The following EXTL3 variants were observed in gnomAD, a reference collection of about 807,000 sequenced individuals.
EXTL3 encodes exostosin-like 3.
In EXTL3, 27 loss-of-function variants were observed where a neutral mutation model predicts 69.3. The observed-to-expected ratio is 0.39, with a 90% CI of 0.29 to 0.54. The LOEUF (loss-of-function observed/expected upper bound fraction) is 0.54, where lower values mean the gene tolerates loss of function less well. Ranked by LOEUF, EXTL3 falls within the 20% of genes least tolerant of loss-of-function variation. EXTL3 has a pLI of 0.69. For synonymous variants in EXTL3, 511 were observed against 499.4 expected, an observed-to-expected ratio of 1.02 and a Z score of -0.31; for missense variants, 1,003 against 1,231.8, an observed-to-expected ratio of 0.81 and a Z score of 2.78.
chr8:28,713,442 T>A lies in EXTL3; in HGVS notation c.-569-15T>A, dbSNP rs1280944363. The A allele has an allele frequency of 7.4e-6, 5 of 672,248 alleles. No homozygotes were observed. Among genetic ancestry groups the A allele is most frequent in the Non-Finnish European group, 1.3e-5 (5 of 376,918 alleles). The allele number at this position is 672,248 out of a possible 1,614,324, so 41.6% of individuals were successfully genotyped here. ...ACTGTTCTATTTTTGTTTTTTGTTT[T>A]TTTTTTTAAATCAGGAGAGCAAGCC... is the stretch of plus-strand genomic sequence containing the variant. On this transcript the variant is annotated splice_polypyrimidine_tract_variant and intron_variant, in intron 1 of 6. Transcript: ENST00000220562.
At chr8:28,693,505 A>G (rs897962201) in intron 1 of EXTL3, among the ~76,000 whole-genome samples, 1 of 143,534 alleles carries the variant, frequency 7.0e-6, no homozygotes, top group African/African-American at 2.5e-5. Flanking sequence ...TTGAATGTTT[A>G]TTTTTTTTTT....
intron 1 of EXTL3, among the ~76,000 whole-genome samples, chr8:28,634,447 G>A (rs1461380541): frequency 6.6e-6 from 1 of 151,986 alleles, no homozygotes; most frequent in Admixed American, 6.6e-5. Context: ...TATCCTCTGC[G>A]GGTCCCTCCG....
intron 3 of EXTL3, 45 bp from the exon 4 acceptor site, chr8:28,731,178 C>T (rs776470977): frequency 6.9e-5 from 111 of 1,613,664 alleles, no homozygotes; most frequent in Admixed American, 3.0e-4. Context: ...TTTGGCCTTT[C>T]ATAACACAGC....
At chr8:28,654,276 G>C (rs1731499339) in intron 1 of EXTL3, among the ~76,000 whole-genome samples, 1 of 152,178 alleles carries the variant, frequency 6.6e-6, no homozygotes, top group Non-Finnish European at 1.5e-5. Flanking sequence ...TAAACAAGGT[G>C]AAAAAGAAAC....
intron 1 of EXTL3, among the ~76,000 whole-genome samples, chr8:28,694,182 G>T (rs538600720): frequency 6.6e-6 from 1 of 152,260 alleles, no homozygotes; most frequent in South Asian, 2.1e-4. Context: ...TATTAAACAC[G>T]TGGGGAAAAA....
At chr8:28,663,968 G>A (rs1021449517) in intron 1 of EXTL3, among the ~76,000 whole-genome samples, 4 of 152,208 alleles carry the variant, frequency 2.6e-5, no homozygotes, top group Non-Finnish European at 4.4e-5. Context: ...GGGAAAAGAG[G>A]AAGAAAATAA....
chr8:28,616,629 A>T (rs974134316), intron 2 of EXTL3, among the ~76,000 whole-genome samples: 1 of 149,346 alleles, frequency 6.7e-6, no homozygotes, highest in African/African-American at 2.5e-5. Flanking sequence ...TCCGTCTCAA[A>T]AAAAAAAAAA....
At chr8:28,680,385 CAAAA>C (rs34805922) in intron 1 of EXTL3, among the ~76,000 whole-genome samples, 5 of 110,836 alleles carry the variant, frequency 4.5e-5, no homozygotes, top group Admixed American at 9.3e-5. Flanking sequence ...GACTCTGTCT[CAAAA>C]AAAAAAAAAA....
rs1238726417 is a variant in EXTL3 at position 28,716,719 on chromosome 8, G to A, written c.660G>A (p.Ala220=). 9 of 1,614,098 alleles carry A rather than the reference G, an allele frequency of 5.6e-6. No homozygotes were observed. The highest frequency in any genetic ancestry group is 3.3e-5 in the Admixed American group (2 of 60,006). The change falls in exon 3 of 7, where the codon GCG becomes GCA. Residue 220 remains alanine, a synonymous_variant. Coordinates refer to ENST00000220562, the MANE Select transcript of EXTL3 (RefSeq NM_001440.4). This position sits in a 1 kb window ranked among gnomAD's most constrained non-coding sequence, Gnocchi z 7.1. The part of the protein sequence containing the change: ...LDPLVKQAFQ[A]TARANVYVTE... Reference sequence around the variant, plus strand: ...CCTTGGTCAAGCAGGCTTTTCAGGCGACAGCACGAGCTAACGTTTATGTTA... The same window carrying A: ...CCTTGGTCAAGCAGGCTTTTCAGGCAACAGCACGAGCTAACGTTTATGTTA...
At chr8:28,626,170 T>A (rs1279662984) in intron 1 of EXTL3, among the ~76,000 whole-genome samples, 2 of 138,542 alleles carry the variant, frequency 1.4e-5, no homozygotes. Context: ...AGACCCTGTC[T>A]AAAAAAAAAA....
In EXTL3 at chr8:28,752,516, G is replaced by C. The variant is rs941497864; in HGVS notation, c.*1650G>C. On this transcript the variant is annotated 3_prime_UTR_variant, in exon 7 of 7. Coordinates refer to ENST00000220562, the MANE Select transcript of EXTL3 (RefSeq NM_001440.4). Reference sequence around the variant, plus strand: ...ACCACGTGGGTCCTCTTCAAGTACTGTTTTGAAGCTGGGCTCTTTTGTGTA... The same window carrying C: ...ACCACGTGGGTCCTCTTCAAGTACTCTTTTGAAGCTGGGCTCTTTTGTGTA... 6 of 152,666 alleles carry C rather than the reference G, an allele frequency of 3.9e-5. No individual in the cohort carries two copies. The highest frequency in any genetic ancestry group is 1.4e-4 in the African/African-American group (6 of 41,452). The allele number at this position is 152,666 out of a possible 1,614,324, so 9.5% of individuals were successfully genotyped here.
upstream of EXTL3, among the ~76,000 whole-genome samples, chr8:28,620,744 C>A (rs1321706133): frequency 6.6e-6 from 1 of 152,098 alleles, no homozygotes; most frequent in Non-Finnish European, 1.5e-5. Flanking sequence ...GAGATAGGGT[C>A]TCACTCTATC....
chr8:28,711,023 A>G (rs562173513), intron 1 of EXTL3, among the ~76,000 whole-genome samples: 43 of 152,094 alleles, frequency 2.8e-4, no homozygotes, highest in African/African-American at 9.9e-4. Context: ...CTTTTTTGGG[A>G]TTTTCAAAAG....
chr8:28,711,242 G>A lies in EXTL3; in HGVS notation c.-569-2215G>A, dbSNP rs184834880. Among the ~76,000 whole-genome samples the A allele has an allele frequency of 3.2e-3, 486 of 152,038 alleles. 2 individuals are homozygous for A. The highest frequency in any genetic ancestry group is 6.2e-3 in the Admixed American group (95 of 15,262). On this transcript the variant is annotated intron_variant, in intron 1 of 6. Transcript: ENST00000220562. ...TTTCCCTTTTTTCTTTGTCATTCTTGTAGGTTTTTCAAACCAGTGACAAAC... is the reference window on the plus strand; with the variant it reads ...TTTCCCTTTTTTCTTTGTCATTCTTATAGGTTTTTCAAACCAGTGACAAAC...
At position 28,716,233 on chromosome 8, in the gene EXTL3, T is replaced by G. The variant is rs762082642; in HGVS notation, c.174T>G (p.Asp58Glu). Residue 58 changes from aspartate to glutamate, a missense_variant, in exon 3 of 7, where the codon GAT (aspartate) becomes GAG (glutamate). By Grantham distance (45) the Asp-to-Glu change is conservative. Around this residue, in one of 2 missense-constraint regions of EXTL3, gnomAD observed 742 missense variants for 815.4 expected, o/e 0.91. Transcript: ENST00000220562. The surrounding 1 kb of genome is among the most constrained non-coding windows in gnomAD (Gnocchi z 7.1). The part of the protein sequence containing the change: ...HYYLTTLDEA[D>E]EAGKRIFGPR... The stretch of plus-strand genomic sequence containing the variant: ...ACCTCACCACTCTGGATGAGGCTGA[T>G]GAGGCAGGCAAGCGGATTTTTGGTC... The G allele has an allele frequency of 6.6e-5, 106 of 1,614,080 alleles. No individual in the cohort carries two copies. The highest frequency in any genetic ancestry group is 8.7e-5 in the Non-Finnish European group (103 of 1,180,028).
At chr8:28,701,439 C>G (rs937767221), upstream of EXTL3, 9 of 151,864 alleles carry the variant, frequency 5.9e-5, no homozygotes, top group African/African-American at 2.2e-4. Context: ...GCGCCCGCGT[C>G]CGCGCCCCCG....
intron 1 of EXTL3, among the ~76,000 whole-genome samples, chr8:28,665,416 CTT>C (rs34069791): frequency 1.7e-4 from 20 of 115,386 alleles, no homozygotes; most frequent in African/African-American, 3.6e-4. Context: ...CACTTGTTTA[CTT>C]TTTTTTTTTT....
chr8:28,635,328 C>T lies in EXTL3; in HGVS notation c.-53+12518C>T, dbSNP rs1287708311. Among the ~76,000 whole-genome samples, 3 of 148,448 alleles carry T rather than the reference C, an allele frequency of 2.0e-5. No individual in the cohort carries two copies. In the East Asian group the frequency reaches 5.9e-4, roughly 29 times the overall value. On this transcript the variant is annotated intron_variant, in intron 1 of 6. Transcript: ENST00000523149. ...GTCCCAGCTACTCAGGAGGCTGAGG[C>T]ATGAGGATCACCTGAGCCCAGGAGT...
chr8:28,731,058 G>A (rs1801528054), intron 3 of EXTL3, among the ~76,000 whole-genome samples, 165 bp from the exon 4 acceptor site: 1 of 152,174 alleles, frequency 6.6e-6, no homozygotes, highest in African/African-American at 2.4e-5. Flanking sequence ...TGAAGTATAA[G>A]GCAGCTTTTA....
Sources: gnomAD v4.1 joint callset for allele counts (sites outside exome capture counted in the v4.1 genomes callset) on GRCh38, gnomAD v4.1.1 for gene constraint, gnomAD v4.1.1 regional missense constraint, Gnocchi (gnomAD v3.1) non-coding constraint, MANE v1.5 for transcripts, NCBI Gene and HGNC (gene_info 2026-07-23, HGNC 2026-07-21) for gene names.